The following ADAP2 variants were observed in gnomAD, a reference collection of about 807,000 sequenced individuals.
The protein encoded by ADAP2 is ArfGAP with dual PH domains 2, also known as arf-GAP with dual PH domain-containing protein 2.
ADAP2 carries 42 observed loss-of-function variants against 54.9 expected under a neutral mutation model. The observed-to-expected ratio is 0.77, with a 90% CI of 0.60 to 0.99. The LOEUF (loss-of-function observed/expected upper bound fraction) is 0.99. Among genes scored for constraint, ADAP2 ranks in the 50% least tolerant of loss-of-function variants. The pLI is 0.00. For synonymous variants in ADAP2, 177 were observed against 180.1 expected, an observed-to-expected ratio of 0.98 and a Z score of 0.14; for missense variants, 429 against 480.4, an observed-to-expected ratio of 0.89 and a Z score of 1.00.
intron 4 of ADAP2, among the ~76,000 whole-genome samples, chr17:30,933,688 C>T (rs758339963): frequency 3.9e-5 from 6 of 152,022 alleles, no homozygotes; most frequent in Admixed American, 6.6e-5. Flanking sequence ...TTAGTAGAGA[C>T]GGGGTTTCAC....
At chr17:30,954,601 C>A in intron 9 of ADAP2, 46 bp downstream of exon 9, 1 of 1,494,046 alleles carries the variant, frequency 6.7e-7, no homozygotes, top group Non-Finnish European at 9.3e-7. Flanking sequence ...TCAAACATTG[C>A]TGGGTGGTGC....
At chr17:30,922,827 A>T in intron 1 of ADAP2, 113 bp from the exon 2 acceptor site, 1 of 1,235,364 alleles carries the variant, frequency 8.1e-7, no homozygotes, top group Admixed American at 2.2e-5. Flanking sequence ...CTGGCCGCTT[A>T]GTTCGCCTTA....
At position 30,944,898 on chromosome 17, in the gene ADAP2, C is replaced by T. The variant is rs750985951; in HGVS notation, c.511-9C>T. 1.2e-6 allele frequency: 2 copies of T among 1,612,006 alleles called. No individual in the cohort carries two copies. The highest frequency in any genetic ancestry group is 1.1e-5 in the South Asian group (1 of 90,704). On this transcript the variant is annotated splice_polypyrimidine_tract_variant and intron_variant, in intron 5 of 10. Coordinates refer to ENST00000330889, the MANE Select transcript of ADAP2 (RefSeq NM_018404.3). ...TGTCAGCGTCTTTCTTTCTCTTTCTCTCTTTCAGGGTAAAAGCCCCAAAGC... is the reference window on the plus strand; with the variant it reads ...TGTCAGCGTCTTTCTTTCTCTTTCTTTCTTTCAGGGTAAAAGCCCCAAAGC...
intron 2 of ADAP2, among the ~76,000 whole-genome samples, chr17:30,924,461 C>T (rs933963283): frequency 6.6e-6 from 1 of 152,120 alleles, no homozygotes; most frequent in African/African-American, 2.4e-5. Context: ...GTCCTCCTTT[C>T]CCCCTAGGCA....
intron 5 of ADAP2, among the ~76,000 whole-genome samples, chr17:30,938,529 C>T (rs541122255): frequency 1.4e-4 from 22 of 152,214 alleles, no homozygotes; most frequent in African/African-American, 5.1e-4. Flanking sequence ...ACTGGGTGAG[C>T]GCCATCTTTG....
Position 30,921,965 on chromosome 17 carries a change from C to T in ADAP2, c.-50C>T. On this transcript the variant is annotated 5_prime_UTR_variant, in exon 1 of 11. Coordinates refer to ENST00000330889, the MANE Select transcript of ADAP2 (RefSeq NM_018404.3). Reference sequence around the variant, plus strand: ...GCCGGGTCCCTCTCCACCTGCCGGGCGGAGCGCACGGGCCATGGGCTGAGC... The same window carrying T: ...GCCGGGTCCCTCTCCACCTGCCGGGTGGAGCGCACGGGCCATGGGCTGAGC... 8.4e-7 allele frequency: 1 copy of T among 1,188,526 alleles called. No individual in the cohort carries two copies. Among genetic ancestry groups the T allele is most frequent in the Non-Finnish European group, 1.1e-6 (1 of 951,860 alleles). 73.6% of individuals were successfully genotyped at this position (1,188,526 alleles called of 1,614,324 possible). A position where few individuals can be genotyped will look rare whatever the true frequency, so the allele number is the denominator to read the frequency against.
At chr17:30,922,242 C>T in intron 1 of ADAP2, 134 bp downstream of exon 1, 1 of 528,636 alleles carries the variant, frequency 1.9e-6, no homozygotes, top group Non-Finnish European at 2.8e-6. Context: ...GCCCCGACCC[C>T]TCCCACCCAC....
chr17:30,943,954 G>A (rs1912468402), intron 5 of ADAP2, among the ~76,000 whole-genome samples: 1 of 152,080 alleles, frequency 6.6e-6, no homozygotes, highest in African/African-American at 2.4e-5. Context: ...ACTTTGGGAG[G>A]CCGAGGCGGG....
intron 5 of ADAP2, among the ~76,000 whole-genome samples, chr17:30,937,919 A>G (rs1912006511): frequency 6.6e-6 from 1 of 152,168 alleles, no homozygotes; most frequent in Admixed American, 6.5e-5. Flanking sequence ...AGTTGGATGT[A>G]TGTTTCCTGA....
At chr17:30,951,654 C>CTTTTTTTTT (rs1053982493) in intron 7 of ADAP2, among the ~76,000 whole-genome samples, 2 of 121,040 alleles carry the variant, frequency 1.7e-5, no homozygotes, top group East Asian at 2.3e-4. Flanking sequence ...CTTTTCTTTT[C>CTTTTTTTTT]TTTTTTTTTT....
At position 30,958,559 on chromosome 17, in the gene ADAP2, A is replaced by G. The variant is rs1253690666; in HGVS notation, c.*690A>G. The G allele has an allele frequency of 6.6e-6, 1 of 152,252 alleles. No individual in the cohort carries two copies. Among genetic ancestry groups the G allele is most frequent in the Non-Finnish European group, 1.5e-5 (1 of 68,098 alleles). The allele number at this position is 152,252 out of a possible 1,614,324, so 9.4% of individuals were successfully genotyped here. On this transcript the variant is annotated 3_prime_UTR_variant, in exon 11 of 11. Coordinates refer to ENST00000330889, the MANE Select transcript of ADAP2 (RefSeq NM_018404.3). ...ACACTGGATGTTCTCTCTTTGCTTC[A>G]ATGGAGACCCAAGGAGCTGGGAGGT...
intron 5 of ADAP2, among the ~76,000 whole-genome samples, chr17:30,936,167 T>C (rs1911857539): frequency 6.6e-6 from 1 of 152,144 alleles, no homozygotes. Context: ...CTTATTTATT[T>C]TTTTAGAGAC....
rs757866299 is a variant in ADAP2, at chr17:30,926,863, A to C, written c.262A>C (p.Lys88Gln). Residue 88 changes from lysine (K) to glutamine (Q), a missense_variant, in exon 3 of 11, where the codon AAG becomes CAG. Coordinates refer to ENST00000330889, the MANE Select transcript of ADAP2 (RefSeq NM_018404.3). ...IHNGNLRVKA[K>Q]FEARVPAFYY... ...CAATGGAAACCTCCGTGTGAAGGCC[A>C]AGTTCGAAGCCAGAGTCCCAGCTTT... 1 of 1,614,176 alleles carries C rather than the reference A, an allele frequency of 6.2e-7. No individual in the cohort carries two copies. Among genetic ancestry groups the C allele is most frequent in the Admixed American group, 1.7e-5 (1 of 60,016 alleles).
chr17:30,949,425 T>C, intron 7 of ADAP2, 55 bp downstream of exon 7: 1 of 1,524,000 alleles, frequency 6.6e-7, no homozygotes, highest in Non-Finnish European at 9.1e-7. Flanking sequence ...TCTCCTTCTT[T>C]CCCTGTCTGT....
chr17:30,954,385 G>T, intron 8 of ADAP2, 93 bp from the exon 9 acceptor site: 1 of 1,063,324 alleles, frequency 9.4e-7, no homozygotes. Context: ...AGTGGGACTG[G>T]CCAGCTCCTT....
chr17:30,926,798 T>C lies in ADAP2; in HGVS notation c.226-29T>C, dbSNP rs1415859192. The C allele has an allele frequency of 2.5e-6, 4 of 1,604,898 alleles. No individual in the cohort carries two copies. In the South Asian group the frequency reaches 4.4e-5, roughly 18 times the overall value. On this transcript the variant is annotated intron_variant, in intron 2 of 10. Coordinates refer to ENST00000330889, the MANE Select transcript of ADAP2 (RefSeq NM_018404.3). The stretch of plus-strand genomic sequence containing the variant: ...CATTTCACGTTTTTTCAAGTTCTAA[T>C]ATTACCTCAGGTTGCTGTTGTCTTG...
At chr17:30,954,287 G>C in intron 8 of ADAP2, 191 bp from the exon 9 acceptor site, 2 of 585,966 alleles carry the variant, frequency 3.4e-6, no homozygotes, top group South Asian at 4.3e-5. Context: ...AAGGGGAATG[G>C]GCAGAACCTT....
chr17:30,944,703 AC>A (rs1912524308), intron 5 of ADAP2, among the ~76,000 whole-genome samples: 1 of 151,850 alleles, frequency 6.6e-6, no homozygotes, highest in African/African-American at 2.4e-5. Flanking sequence ...TAGGTGATCC[AC>A]CCACCTCAGC....
At chr17:30,949,216 G>C in intron 6 of ADAP2, 71 bp from the exon 7 acceptor site, 222 of 972,844 alleles carry the variant, frequency 2.3e-4, no homozygotes, top group Non-Finnish European at 3.1e-4. Context: ...CTAGCTTCCC[G>C]CCACCAGAGG....
Sources: gnomAD v4.1 joint callset for allele counts (sites outside exome capture counted in the v4.1 genomes callset) on GRCh38, gnomAD v4.1.1 for gene constraint, MANE v1.5 for transcripts, NCBI Gene and HGNC (gene_info 2026-07-23, HGNC 2026-07-21) for gene names.